The following NBAS variants were observed in gnomAD, a reference collection of about 807,000 sequenced individuals.
The protein encoded by NBAS is NBAS subunit of NRZ tethering complex, also known as NAG/BC035112 fusion.
A neutral mutation model predicts 302.5 loss-of-function variants in NBAS; 219 were observed. That is an observed-to-expected ratio of 0.72 (90% CI 0.65 to 0.81). NBAS has a LOEUF of 0.81. Among genes scored for constraint, NBAS ranks in the 30% least tolerant of loss-of-function variants. The probability of loss-of-function intolerance (pLI) is 0.00; values close to 1 mark genes in which losing one functional copy is unlikely to be tolerated. For synonymous variants in NBAS, 1,118 were observed against 1,021.6 expected (o/e 1.09, Z -1.80); for missense variants, 2,932 against 2,841.6 (o/e 1.03, Z -0.72).
chr2:15,443,285 A>G (rs1678538849), intron 21 of NBAS, among the ~76,000 whole-genome samples: 1 of 150,950 alleles, frequency 6.6e-6, no homozygotes, highest in African/African-American at 2.4e-5. Flanking sequence ...CCAGCAGCAC[A>G]TCAAAAAGCT....
intron 31 of NBAS, among the ~76,000 whole-genome samples, chr2:15,373,491 C>T (rs7596969): frequency 6.6e-6 from 1 of 151,906 alleles, no homozygotes; most frequent in South Asian, 2.1e-4. Context: ...CCATTACACT[C>T]GGCTAACTTC....
chr2:14,878,843 C>A, the NBAS span, among the ~76,000 whole-genome samples: 1,024 of 152,218 alleles, frequency 6.7e-3, 13 homozygotes, highest in African/African-American at 0.024. Context: ...TTAGGGTTTG[C>A]TGTTTGTGTT....
chr2:15,425,219 C>G (rs1677411499), intron 22 of NBAS, among the ~76,000 whole-genome samples: 1 of 151,956 alleles, frequency 6.6e-6, no homozygotes, highest in Non-Finnish European at 1.5e-5. Flanking sequence ...ATGCTATGTT[C>G]CATTAGGGAT....
intron 12 of NBAS, among the ~76,000 whole-genome samples, chr2:15,483,765 G>A (rs984234836): frequency 4.6e-5 from 7 of 152,110 alleles, no homozygotes; most frequent in African/African-American, 1.7e-4. Context: ...CTAATAAAGC[G>A]GCAAATTGCA....
Position 15,465,346 on chromosome 2 carries a change from A to T in NBAS, c.2097+1983T>A, listed in dbSNP as rs557306853. ...CTTCCTATGTGGAGTCTTCTCAGAC[A>T]TCCCCAGGAAGAATTTGACATTCTT... On this transcript the variant is annotated intron_variant, in intron 19 of 51. Coordinates refer to ENST00000281513, the MANE Select transcript of NBAS (RefSeq NM_015909.4). Among the ~76,000 whole-genome samples the T allele has an allele frequency of 7.9e-5, 12 of 152,262 alleles. 1 individual carries two copies. The South Asian group carries it at 1.4e-3, about 18-fold the overall frequency.
rs557882871 is a variant in NBAS, at chr2:15,443,282, C to T, written c.2340-15488G>A. Among the ~76,000 whole-genome samples, 102 of 151,090 alleles carry T rather than the reference C, an allele frequency of 6.8e-4. 1 individual carries two copies. The highest frequency in any genetic ancestry group is 2.4e-3 in the African/African-American group (101 of 41,244). ...AATACTGGCAAACCGAATCCAGCAG[C>T]ACATCAAAAAGCTTATCCACCATGA... On this transcript the variant is annotated intron_variant, in intron 21 of 51. Coordinates refer to ENST00000281513, the MANE Select transcript of NBAS (RefSeq NM_015909.4).
chr2:15,220,727 C>A (rs867486631), intron 47 of NBAS, among the ~76,000 whole-genome samples: 1 of 152,196 alleles, frequency 6.6e-6, no homozygotes, highest in Admixed American at 6.5e-5. Flanking sequence ...GAGATCCATG[C>A]TAAAGCACTG....
intron 9 of NBAS, among the ~76,000 whole-genome samples, chr2:15,527,853 T>A (rs1465656186): frequency 6.6e-6 from 1 of 152,180 alleles, no homozygotes; most frequent in Admixed American, 6.5e-5. Flanking sequence ...TTGTTACGTG[T>A]GGCGTGAACC....
At chr2:14,900,161 G>A in the NBAS span, among the ~76,000 whole-genome samples, 2 of 142,356 alleles carry the variant, frequency 1.4e-5, no homozygotes, top group East Asian at 2.0e-4. Context: ...GAAAGAAAAA[G>A]ACCTACCCAT....
At chr2:15,140,179 C>T in the NBAS span, among the ~76,000 whole-genome samples, 5,221 of 152,306 alleles carry the variant, frequency 0.034, 131 homozygotes, top group Middle Eastern at 0.071. Flanking sequence ...ACTGAGGTTC[C>T]AGTGAATAGC....
chr2:15,077,680 C>CT, the NBAS span, among the ~76,000 whole-genome samples: 17 of 147,178 alleles, frequency 1.2e-4, no homozygotes, highest in South Asian at 1.7e-3. Flanking sequence ...TTCTTTCTTT[C>CT]TTTTTTTTTC....
the NBAS span, among the ~76,000 whole-genome samples, chr2:14,909,319 CAAAA>C: frequency 2.1e-5 from 1 of 46,712 alleles, no homozygotes; most frequent in Non-Finnish European, 4.7e-5. Flanking sequence ...GACTCCGTCT[CAAAA>C]AAAAAAAAAA....
intron 31 of NBAS, among the ~76,000 whole-genome samples, chr2:15,371,612 T>C (rs1394670660): frequency 6.6e-6 from 1 of 152,218 alleles, no homozygotes; most frequent in Admixed American, 6.5e-5. Context: ...TCAAAGTGGC[T>C]ACATCAGAAT....
At chr2:15,406,811 A>C (rs1416722638) in intron 25 of NBAS, among the ~76,000 whole-genome samples, 2 of 152,194 alleles carry the variant, frequency 1.3e-5, no homozygotes, top group African/African-American at 4.8e-5. Context: ...CTTAATTAGA[A>C]AAGCACAAAT....
the NBAS span, among the ~76,000 whole-genome samples, chr2:14,958,794 G>A: frequency 2.0e-5 from 3 of 152,160 alleles, no homozygotes; most frequent in African/African-American, 4.8e-5. Context: ...AAAAGTAAAG[G>A]TGGAACCTCA....
intron 3 of NBAS, among the ~76,000 whole-genome samples, chr2:15,555,389 T>C (rs1263614451): frequency 6.6e-6 from 1 of 151,970 alleles, no homozygotes; most frequent in Non-Finnish European, 1.5e-5. Context: ...GAATACTACC[T>C]ATATGAGGAT....
At chr2:14,850,410 A>G in the NBAS span, among the ~76,000 whole-genome samples, 75 of 98,624 alleles carry the variant, frequency 7.6e-4, 5 homozygotes, top group Non-Finnish European at 1.2e-3. Flanking sequence ...CCAATACAGG[A>G]GCACCCAGAT....
At chr2:15,164,060 G>C (rs998710647), downstream of NBAS, among the ~76,000 whole-genome samples, 2 of 152,232 alleles carry the variant, frequency 1.3e-5, no homozygotes, top group African/African-American at 4.8e-5. Context: ...GCCTCCCAAA[G>C]TATTGGGATT....
intron 40 of NBAS, among the ~76,000 whole-genome samples, chr2:15,294,758 G>A (rs1374109396): frequency 6.6e-6 from 1 of 152,174 alleles, no homozygotes; most frequent in Non-Finnish European, 1.5e-5. Context: ...AGGGTGGCAG[G>A]AGAGCTCTTT....
Sources: gnomAD v4.1 joint callset for allele counts (sites outside exome capture counted in the v4.1 genomes callset) on GRCh38, gnomAD v4.1.1 for gene constraint, MANE v1.5 for transcripts, NCBI Gene and HGNC (gene_info 2026-07-23, HGNC 2026-07-21) for gene names.